The following NCOR2 variants were observed in gnomAD, a reference collection of about 807,000 sequenced individuals.
The protein encoded by NCOR2 is CTG repeat protein 26.
A neutral mutation model predicts 262.9 loss-of-function variants in NCOR2; 81 were observed. The ratio of observed to expected loss-of-function variants is 0.31; its 90% CI spans 0.26 to 0.37. The LOEUF (loss-of-function observed/expected upper bound fraction) is 0.37. Ranked by LOEUF, NCOR2 falls within the 10% of genes least tolerant of loss-of-function variation. NCOR2 has a pLI of 1.00. For missense variants in NCOR2, 3,385 were observed against 3,621.4 expected, an observed-to-expected ratio of 0.93 and a Z score of 1.68; for synonymous variants, 1,659 against 1,559.3, an observed-to-expected ratio of 1.06 and a Z score of -1.51.
chr12:124,499,253 T>G (rs2048551532), upstream of NCOR2, among the ~76,000 whole-genome samples: 1 of 152,210 alleles, frequency 6.6e-6, no homozygotes, highest in Non-Finnish European at 1.5e-5. Context: ...GGATCCGGGC[T>G]GGAGGGGGAA....
exon 33 of NCOR2, chr12:124,343,051 C>G: frequency 6.2e-7 from 1 of 1,612,204 alleles, no homozygotes; most frequent in Non-Finnish European, 8.5e-7. Flanking sequence ...GGTCGAAGGC[C>G]AGGGGGATGT....
chr12:124,406,278 C>A (rs2042270156), intron 13 of NCOR2, among the ~76,000 whole-genome samples: 1 of 152,196 alleles, frequency 6.6e-6, no homozygotes, highest in Non-Finnish European at 1.5e-5. Flanking sequence ...GGCCTGTGGG[C>A]TTTCGTTAGA....
At chr12:124,405,985 A>G (rs1230019273) in intron 13 of NCOR2, among the ~76,000 whole-genome samples, 4 of 152,158 alleles carry the variant, frequency 2.6e-5, no homozygotes, top group Non-Finnish European at 4.4e-5. Context: ...CCTGATGCCC[A>G]GGCCGCACCC....
intron 16 of NCOR2, 136 bp from the exon 19 acceptor site, chr12:124,386,023 G>A (rs1444488352): frequency 8.8e-7 from 1 of 1,133,024 alleles, no homozygotes; most frequent in Non-Finnish European, 1.2e-6. Context: ...CAGGACCTCT[G>A]GAAGAAGAGA....
intron 2 of NCOR2, among the ~76,000 whole-genome samples, chr12:124,484,410 GC>G (rs2047667484): frequency 6.6e-6 from 1 of 152,174 alleles, no homozygotes; most frequent in Admixed American, 6.5e-5. Context: ...AGAGGGCATG[GC>G]CTTGCCTAAC....
chr12:124,403,512 C>G (rs2042097205), intron 13 of NCOR2, among the ~76,000 whole-genome samples: 1 of 152,326 alleles, frequency 6.6e-6, no homozygotes, highest in South Asian at 2.1e-4. Context: ...AAAGCACACA[C>G]TGATTTTCTT....
intron 3 of NCOR2, among the ~76,000 whole-genome samples, chr12:124,476,245 C>T (rs1292874694): frequency 1.3e-5 from 2 of 152,206 alleles, no homozygotes; most frequent in African/African-American, 2.4e-5. Context: ...GAGACATCCC[C>T]ACGCCACCGC....
chr12:124,361,667 C>T lies in NCOR2; in HGVS notation c.3100+459G>A, dbSNP rs755569068. On this transcript the variant is annotated intron_variant, in intron 22 of 46. Coordinates refer to ENST00000405201, the Ensembl canonical transcript of NCOR2. ...TCCTGCCCAGGCCCCAGAGCTGCTG[C>T]CAGCCGGGTGCTGGGCCCCATCTGT... 2.0e-4 allele frequency among the ~76,000 whole-genome samples: 30 copies of T among 152,260 alleles called. 1 individual carries two copies. Among genetic ancestry groups the T allele is most frequent in the Admixed American group, 2.0e-4 (3 of 15,292 alleles).
In NCOR2 at chr12:124,389,369, C is replaced by T. The variant is rs907378115; in HGVS notation, c.1877-3482G>A. ...GGCTCGCGGCGGGCGGGCAGGCGGG[C>T]GGGGGAGCGTGGCAGAGGCCCAGGT... On this transcript the variant is annotated intron_variant, in intron 16 of 46. Transcript: ENST00000405201. This position sits in a 1 kb window ranked among gnomAD's most constrained non-coding sequence, Gnocchi z 4.4. Among the ~76,000 whole-genome samples the T allele has an allele frequency of 6.6e-6, 1 of 152,134 alleles. No individual in the cohort carries two copies. The highest frequency in any genetic ancestry group is 1.5e-5 in the Non-Finnish European group (1 of 68,000).
At position 124,356,625 on chromosome 12, in the gene NCOR2, CG is replaced by C; in HGVS notation, c.3241+16del. 1 of 1,424,602 alleles carries C rather than the reference CG, an allele frequency of 7.0e-7. No homozygotes were observed. The highest frequency in any genetic ancestry group is 9.2e-7 in the Non-Finnish European group (1 of 1,089,502). The allele number at this position is 1,424,602 out of a possible 1,614,324, so 88.2% of individuals were successfully genotyped here. On this transcript the variant is annotated intron_variant, in intron 23 of 46. Coordinates refer to ENST00000405201, the Ensembl canonical transcript of NCOR2. ...TGCACTGGCTGAAGAAGCCCAAGCT[CG>C]GGCGGAGCTACTTACCAGGTGGAGC... is the stretch of plus-strand genomic sequence containing the variant.
chr12:124,460,943 T>A (rs2046129443), intron 5 of NCOR2, among the ~76,000 whole-genome samples: 1 of 152,206 alleles, frequency 6.6e-6, no homozygotes, highest in African/African-American at 2.4e-5. Context: ...CCTGTCTGCA[T>A]CTTCCCCATG....
exon 22 of NCOR2, chr12:124,362,170 G>C: frequency 7.6e-7 from 1 of 1,308,310 alleles, no homozygotes; most frequent in Non-Finnish European, 9.7e-7. Context: ...CTTGCCCCGG[G>C]GGCTGCTGCC....
rs979505418 is a variant in NCOR2, at chr12:124,481,124, G to T, written c.411+2472C>A. ...GGGGTGAAGGGGAGTGAGCAGGACA[G>T]GGGGGCTGTTTGGGTGGAAAGAAAG... On this transcript the variant is annotated intron_variant, in intron 3 of 46. Transcript: ENST00000405201. The surrounding 1 kb of genome is among the most constrained non-coding windows in gnomAD (Gnocchi z 4.6). Among the ~76,000 whole-genome samples, 2 of 151,764 alleles carry T rather than the reference G, an allele frequency of 1.3e-5. No individual in the cohort carries two copies. The highest frequency in any genetic ancestry group is 4.8e-5 in the African/African-American group (2 of 41,270).
chr12:124,346,933 A>G, intron 30 of NCOR2, 83 bp from the exon 33 acceptor site: 2 of 1,372,726 alleles, frequency 1.5e-6, no homozygotes, highest in Non-Finnish European at 9.4e-7. Context: ...TTCTGGAGCT[A>G]GTCTGCCTGA....
chr12:124,423,735 C>T (rs1417815372), intron 11 of NCOR2, among the ~76,000 whole-genome samples: 1 of 152,228 alleles, frequency 6.6e-6, no homozygotes, highest in Non-Finnish European at 1.5e-5. Flanking sequence ...AGGAATCAAA[C>T]TTGGGAATCT....
intron 28 of NCOR2, 56 bp downstream of exon 30, chr12:124,350,531 G>A: frequency 6.4e-7 from 1 of 1,572,498 alleles, no homozygotes. Flanking sequence ...AGCTACCTCA[G>A]TGGGCCAAGC....
In NCOR2 at chr12:124,389,062, C is replaced by T. The variant is rs780436559; in HGVS notation, c.1877-3175G>A. ...TGTGGGCGCGCGAGGTGCCCTTCCC[C>T]GAGGGTGGTGGGTGGCGGGAAGTTG... On this transcript the variant is annotated intron_variant, in intron 16 of 46. Transcript: ENST00000405201. This position sits in a 1 kb window ranked among gnomAD's most constrained non-coding sequence, Gnocchi z 4.4. Among the ~76,000 whole-genome samples, 2 of 152,236 alleles carry T rather than the reference C, an allele frequency of 1.3e-5. No individual in the cohort carries two copies. Among genetic ancestry groups the T allele is most frequent in the East Asian group, 3.9e-4 (2 of 5,194 alleles).
rs546146164 is a variant in NCOR2, at chr12:124,454,808, C to T, written c.762+2298G>A. On this transcript the variant is annotated intron_variant, in intron 6 of 46. Transcript: ENST00000405201. The surrounding 1 kb of genome is among the most constrained non-coding windows in gnomAD (Gnocchi z 5.6). ...TAGCAATTCCACGCCTAGGTACACA[C>T]CCAGGAGAAATGAAGACGTACGTTC... is the stretch of plus-strand genomic sequence containing the variant. 6.6e-6 allele frequency among the ~76,000 whole-genome samples: 1 copy of T among 152,136 alleles called. No individual in the cohort carries two copies. The highest frequency in any genetic ancestry group is 1.5e-5 in the Non-Finnish European group (1 of 68,030).
rs2050769798 is a variant in NCOR2, at chr12:124,531,493, G to A, written c.-118+4072C>T. On this transcript the variant is annotated intron_variant, in intron 1 of 46. Coordinates refer to the NCOR2 transcript ENST00000404621. This position sits in a 1 kb window ranked among gnomAD's most constrained non-coding sequence, Gnocchi z 4.5. ...GAGGGTGGCCTGTGGGGAGAAGGAG[G>A]GAGGAGAAGGAGGGGTAGGGAGCAG... Among the ~76,000 whole-genome samples the A allele has an allele frequency of 8.0e-6, 1 of 124,980 alleles. No individual in the cohort carries two copies. Among genetic ancestry groups the A allele is most frequent in the Admixed American group, 7.1e-5 (1 of 14,032 alleles). The allele number at this position is 124,980 out of a possible 152,430, so 82.0% of individuals were successfully genotyped here. A position where few individuals can be genotyped will look rare whatever the true frequency, so the allele number is the denominator to read the frequency against.
Sources: gnomAD v4.1 joint callset for allele counts (sites outside exome capture counted in the v4.1 genomes callset) on GRCh38, gnomAD v4.1.1 for gene constraint, Gnocchi (gnomAD v3.1) non-coding constraint, MANE v1.5 for transcripts, NCBI Gene and HGNC (gene_info 2026-07-23, HGNC 2026-07-21) for gene names.